FHIT: variants seen among roughly 807,000 people sequenced by gnomAD.
The protein encoded by FHIT is bis(5'-adenosyl)-triphosphatase.
FHIT carries 19 observed loss-of-function variants against 17.9 expected under a neutral mutation model. That is an observed-to-expected ratio of 1.06 (90% CI 0.74 to 1.56). The LOEUF is 1.56. Ranked by LOEUF, FHIT falls within the 40% of genes most tolerant of loss-of-function variation. FHIT has a pLI of 0.00. For missense variants in FHIT, 248 were observed against 189.2 expected (o/e 1.31, Z -1.82); for synonymous variants, 81 against 69.7 (o/e 1.16, Z -0.81).
chr3:61,015,222 A>G (rs2107633281), intron 3 of FHIT, among the ~76,000 whole-genome samples: 1 of 152,280 alleles, frequency 6.6e-6, no homozygotes, highest in African/African-American at 2.4e-5. Flanking sequence ...CCAGGTAGAG[A>G]AAGACTACTC....
intron 3 of FHIT, among the ~76,000 whole-genome samples, chr3:60,868,140 C>A (rs1553754251): frequency 6.6e-6 from 1 of 152,146 alleles, no homozygotes; most frequent in Admixed American, 6.6e-5. Context: ...TGTGGGTGAT[C>A]TTTACACATC....
intron 5 of FHIT, among the ~76,000 whole-genome samples, chr3:60,019,513 G>A (rs1419895102): frequency 1.3e-5 from 2 of 149,994 alleles, no homozygotes; most frequent in African/African-American, 4.9e-5. Context: ...CTGCTTCCTG[G>A]GTTCAAGTGA....
intron 5 of FHIT, among the ~76,000 whole-genome samples, chr3:60,336,727 G>C (rs1335487115): frequency 6.6e-6 from 1 of 152,084 alleles, no homozygotes; most frequent in Non-Finnish European, 1.5e-5. Context: ...TTCCAGCACT[G>C]CAGAAAGTTC....
In FHIT at chr3:60,441,704, A is replaced by T. The variant is rs1468145295; in HGVS notation, c.103+95156T>A. On this transcript the variant is annotated intron_variant, in intron 5 of 9. Coordinates refer to ENST00000492590, the MANE Select transcript of FHIT (RefSeq NM_002012.4). ...ATATTTGATGCATCTGTAGGTATTT[A>T]TATATATATATATATATATTTGTAT... is the stretch of plus-strand genomic sequence containing the variant. Among the ~76,000 whole-genome samples the T allele has an allele frequency of 7.8e-4, 21 of 26,908 alleles. No individual in the cohort carries two copies. In the African/African-American group the frequency reaches 9.6e-3, roughly 12 times the overall value. 17.7% of individuals were successfully genotyped at this position (26,908 alleles called of 152,430 possible). A position where few individuals can be genotyped will look rare whatever the true frequency, so the allele number is the denominator to read the frequency against.
At chr3:59,861,085 C>G (rs571618516) in intron 8 of FHIT, among the ~76,000 whole-genome samples, 3 of 152,048 alleles carry the variant, frequency 2.0e-5, no homozygotes, top group African/African-American at 7.2e-5. Flanking sequence ...GACTGGCTGG[C>G]AGGATGAGAA....
intron 7 of FHIT, among the ~76,000 whole-genome samples, chr3:59,985,988 G>C (rs1435461697): frequency 6.6e-6 from 1 of 152,022 alleles, no homozygotes; most frequent in Non-Finnish European, 1.5e-5. Context: ...AGCAGAGAAA[G>C]GATGGGGGAA....
intron 5 of FHIT, among the ~76,000 whole-genome samples, chr3:60,221,747 A>T (rs1217150057): frequency 6.6e-6 from 1 of 152,034 alleles, no homozygotes; most frequent in East Asian, 1.9e-4. Flanking sequence ...CTTCCCATAG[A>T]TCTTTTAATG....
chr3:60,441,213 T>C (rs1244889672), intron 5 of FHIT, among the ~76,000 whole-genome samples: 1 of 152,136 alleles, frequency 6.6e-6, no homozygotes, highest in Non-Finnish European at 1.5e-5. Flanking sequence ...CAATATTCGA[T>C]GAATCACTGA....
intron 3 of FHIT, among the ~76,000 whole-genome samples, chr3:60,868,505 C>G (rs74999210): frequency 0.022 from 3,293 of 152,188 alleles, 127 homozygotes; most frequent in African/African-American, 0.076. Context: ...TTTGAAACAA[C>G]CAATAAGAAT....
intron 5 of FHIT, among the ~76,000 whole-genome samples, chr3:60,304,627 A>T (rs1314346888): frequency 6.6e-6 from 1 of 152,162 alleles, no homozygotes; most frequent in Non-Finnish European, 1.5e-5. Context: ...GTTAATCTTT[A>T]GATAAATAAT....
At chr3:60,802,904 T>C (rs1289773763) in intron 4 of FHIT, among the ~76,000 whole-genome samples, 3 of 152,170 alleles carry the variant, frequency 2.0e-5, no homozygotes, top group African/African-American at 7.2e-5. Flanking sequence ...TCAAAACAAA[T>C]GTAAAGCTGA....
chr3:59,858,268 G>A (rs560313749), intron 8 of FHIT, among the ~76,000 whole-genome samples: 1 of 129,884 alleles, frequency 7.7e-6, no homozygotes, highest in East Asian at 2.2e-4. Context: ...TTTTGAGATG[G>A]AGTGCTGGAG....
Position 60,170,255 on chromosome 3 carries a change from T to TACAAAGGAAATCTTCCAGAGA in FHIT, c.104-156124_104-156104dup, listed in dbSNP as rs1318868128. Among the ~76,000 whole-genome samples, 4 of 152,178 alleles carry TACAAAGGAAATCTTCCAGAGA rather than the reference T, an allele frequency of 2.6e-5. No homozygotes were observed. In the East Asian group the frequency reaches 7.7e-4, roughly 29 times the overall value. ...GGCTGGGCAACTGTCCTTATCACCA[T>TACAAAGGAAATCTTCCAGAGA]ACAAAGGAAATCTTCCAGAGAACAA... On this transcript the variant is annotated intron_variant, in intron 5 of 9. Coordinates refer to ENST00000492590, the MANE Select transcript of FHIT (RefSeq NM_002012.4).
chr3:60,854,694 G>A (rs1703304261), intron 3 of FHIT, among the ~76,000 whole-genome samples: 1 of 151,936 alleles, frequency 6.6e-6, no homozygotes. Flanking sequence ...GAGGATGCCA[G>A]CCAAGTCAGT....
chr3:60,141,160 AG>A (rs1313754617), intron 5 of FHIT, among the ~76,000 whole-genome samples: 1 of 152,144 alleles, frequency 6.6e-6, no homozygotes, highest in Admixed American at 6.5e-5. Flanking sequence ...GGAAGAGATG[AG>A]GCTATCACCT....
intron 5 of FHIT, among the ~76,000 whole-genome samples, chr3:60,338,999 C>A (rs1418530483): frequency 6.6e-6 from 1 of 151,992 alleles, no homozygotes; most frequent in African/African-American, 2.4e-5. Flanking sequence ...AGGAGGGGAC[C>A]CACAGAAGAT....
intron 1 of FHIT, among the ~76,000 whole-genome samples, chr3:61,214,646 A>G (rs2039610321): frequency 6.6e-6 from 1 of 152,130 alleles, no homozygotes; most frequent in African/African-American, 2.4e-5. Context: ...AATCCTCCCT[A>G]ACTCATTTTA....
At chr3:60,461,876 T>G (rs2032489620) in intron 5 of FHIT, among the ~76,000 whole-genome samples, 1 of 152,116 alleles carries the variant, frequency 6.6e-6, no homozygotes, top group South Asian at 2.1e-4. Flanking sequence ...CAAATAAGAT[T>G]GAAATTGATT....
At chr3:60,720,355 C>T (rs1487020807) in intron 4 of FHIT, among the ~76,000 whole-genome samples, 1 of 152,112 alleles carries the variant, frequency 6.6e-6, no homozygotes, top group Admixed American at 6.5e-5. Context: ...TGACCTGTTG[C>T]CTGTGCCCCA....
Sources: allele counts gnomAD v4.1 joint callset (sites outside exome capture counted in the v4.1 genomes callset), GRCh38; gene constraint gnomAD v4.1.1; transcripts MANE v1.5; gene names NCBI Gene and HGNC (gene_info 2026-07-23, HGNC 2026-07-21).